Variants in TDRKH observed in about 807,000 individuals in gnomAD.
TDRKH encodes the protein tudor and KH domain containing.
A neutral mutation model predicts 61.3 loss-of-function variants in TDRKH; 28 were observed. The observed-to-expected ratio is 0.46, with a 90% CI of 0.34 to 0.63. The LOEUF is 0.63. Ranked by LOEUF, TDRKH falls within the 20% of genes least tolerant of loss-of-function variation. The pLI, the probability that TDRKH is intolerant of heterozygous loss-of-function variation, is 0.01. For synonymous variants in TDRKH, 219 were observed against 244.4 expected, an observed-to-expected ratio of 0.90 and a Z score of 0.97; for missense variants, 540 against 683.4, an observed-to-expected ratio of 0.79 and a Z score of 2.34.
intron 3 of TDRKH, 47 bp from the exon 4 acceptor site, chr1:151,780,187 T>A: frequency 3.8e-6 from 6 of 1,586,316 alleles, no homozygotes; most frequent in Non-Finnish European, 5.2e-6. Flanking sequence ...AGAGCTCCCA[T>A]TTGAGCCCAG....
rs1648914023 is a variant in TDRKH at position 151,774,040 on chromosome 1, G to A, written c.*412C>T. 3 of 183,776 alleles carry A rather than the reference G, an allele frequency of 1.6e-5. No individual in the cohort carries two copies. The South Asian group carries it at 3.6e-4, about 22-fold the overall frequency. The allele number at this position is 183,776 out of a possible 1,614,324, so 11.4% of individuals were successfully genotyped here. ...AGTATTCAAACACTGGAGGGTTGGG[G>A]AGGGATCCGGAGGTGGAATGGGGGA... On this transcript the variant is annotated 3_prime_UTR_variant, in exon 13 of 13. Transcript: ENST00000368824.
rs374675793 is a variant in TDRKH at position 151,774,497 on chromosome 1, A to T, written c.1641T>A (p.Ala547=). 1.2e-6 allele frequency: 2 copies of T among 1,614,090 alleles called. No individual in the cohort carries two copies. The highest frequency in any genetic ancestry group is 2.2e-5 in the East Asian group (1 of 44,898). Reference sequence around the variant, plus strand: ...CAAGGTTATCATCACCAGACATGGAAGCAGCTTCTATTGAAGATAAATAAG... The same window carrying T: ...CAAGGTTATCATCACCAGACATGGATGCAGCTTCTATTGAAGATAAATAAG... ...TLSCLSLSEA[A]SMSGDDNLED... The change falls in exon 13 of 13, where the codon GCT becomes GCA. Residue 547 remains alanine, a synonymous_variant. Transcript: ENST00000368824.
chr1:151,781,421 C>T (rs1250297719), intron 3 of TDRKH, 60 bp downstream of exon 3: 2 of 1,479,574 alleles, frequency 1.4e-6, no homozygotes, highest in Non-Finnish European at 1.9e-6. Context: ...TGGAAGGAAA[C>T]AAGAAATCAA....
At chr1:151,768,921 G>A (rs1483991992), downstream of TDRKH, among the ~76,000 whole-genome samples, 6 of 151,860 alleles carry the variant, frequency 4.0e-5, no homozygotes, top group South Asian at 8.3e-4. Context: ...ATCTTGCACC[G>A]CCCTTAATCC....
chr1:151,770,555 T>G, downstream of TDRKH: 1 of 339,680 alleles, frequency 2.9e-6, no homozygotes, highest in Non-Finnish European at 5.4e-6. Flanking sequence ...CTCAAACATA[T>G]GGAGCACCTA....
At chr1:151,772,524 T>A (rs1040335183), downstream of TDRKH, among the ~76,000 whole-genome samples, 1 of 152,212 alleles carries the variant, frequency 6.6e-6, no homozygotes, top group Non-Finnish European at 1.5e-5. Flanking sequence ...GGCATCCTTA[T>A]GTGCTAGTTT....
intron 1 of TDRKH, among the ~76,000 whole-genome samples, chr1:151,789,222 C>T (rs1013199492): frequency 2.6e-5 from 4 of 152,174 alleles, no homozygotes; most frequent in African/African-American, 9.7e-5. Context: ...TTCACTAACT[C>T]CTCTTCAAAC....
chr1:151,782,927 G>C lies in TDRKH; in HGVS notation c.96C>G (p.Ile32Met). Residue 32 changes from isoleucine (I) to methionine (M), a missense_variant, in exon 2 of 13, where the codon ATC becomes ATG. Ile to Met is a conservative substitution (Grantham distance 10). Transcript: ENST00000368824. ...TGCTTTCCCTATACCTGCGGTATAGGATATAGGCAACTGTTGCACTGGCTG... is the reference window on the plus strand; with the variant it reads ...TGCTTTCCCTATACCTGCGGTATAGCATATAGGCAACTGTTGCACTGGCTG... ...GIPASATVAY[I>M]LYRRYRESRE... is the part of the protein sequence containing the mutation. The C allele has an allele frequency of 1.2e-6, 2 of 1,613,368 alleles. No homozygotes were observed. The highest frequency in any genetic ancestry group is 1.7e-6 in the Non-Finnish European group (2 of 1,179,720).
chr1:151,771,262 C>T (rs1424629257), downstream of TDRKH: 2 of 1,600,470 alleles, frequency 1.2e-6, no homozygotes, highest in South Asian at 1.1e-5. Flanking sequence ...AGCCTTGACA[C>T]ATGGAATCAG....
At chr1:151,770,374 A>C (rs551937084), downstream of TDRKH, 331 of 1,409,418 alleles carry the variant, frequency 2.3e-4, 2 homozygotes, top group South Asian at 4.2e-3. Context: ...CATTTCAGGG[A>C]TTCTTTTCTT....
downstream of TDRKH, chr1:151,767,468 TAA>T (rs1165968741): frequency 2.5e-5 from 34 of 1,346,594 alleles, no homozygotes; most frequent in Middle Eastern, 2.5e-4. Context: ...CCACAGACTG[TAA>T]AATCAAGGTC....
chr1:151,788,619 T>C (rs760932726), intron 1 of TDRKH, among the ~76,000 whole-genome samples: 2 of 152,220 alleles, frequency 1.3e-5, no homozygotes, highest in African/African-American at 4.8e-5. Flanking sequence ...TTTGGGAAAC[T>C]GCGGCTAAGG....
chr1:151,766,574 C>T (rs752263710), downstream of TDRKH: 30 of 758,798 alleles, frequency 4.0e-5, no homozygotes, highest in Non-Finnish European at 5.9e-5. Context: ...GGTAGATAAG[C>T]AGCAGAGTGG....
At chr1:151,771,128 A>C (rs541587128), downstream of TDRKH, 1 of 1,612,762 alleles carries the variant, frequency 6.2e-7, no homozygotes, top group Non-Finnish European at 8.5e-7. Context: ...GTCAGACCAG[A>C]TCACCCTGCC....
intron 1 of TDRKH, among the ~76,000 whole-genome samples, chr1:151,788,676 T>G (rs1221732100): frequency 1.3e-5 from 2 of 152,214 alleles, no homozygotes; most frequent in Non-Finnish European, 2.9e-5. Flanking sequence ...TAGTCATTTC[T>G]ACACAATACA....
chr1:151,790,139 C>A (rs1359314667), intron 1 of TDRKH, among the ~76,000 whole-genome samples: 5 of 152,128 alleles, frequency 3.3e-5, no homozygotes, highest in African/African-American at 9.7e-5. Context: ...CGCTCCCGCA[C>A]CGGGTCCGTT....
intron 11 of TDRKH, 53 bp downstream of exon 11, chr1:151,775,012 C>T (rs1649015465): frequency 6.4e-7 from 1 of 1,567,468 alleles, no homozygotes; most frequent in Non-Finnish European, 8.8e-7. Context: ...CCCTTAGTGT[C>T]TATGTGCTAG....
At chr1:151,767,976 C>A, downstream of TDRKH, 1 of 1,549,800 alleles carries the variant, frequency 6.5e-7, no homozygotes, top group East Asian at 2.3e-5. Context: ...CCCATCAATG[C>A]CCACCTTGCT....
downstream of TDRKH, chr1:151,771,427 G>C: frequency 8.2e-7 from 1 of 1,220,590 alleles, no homozygotes; most frequent in African/African-American, 1.6e-5. Context: ...AGATCACAGG[G>C]ACCTGAACTA....
Sources: gnomAD v4.1 joint callset for allele counts (sites outside exome capture counted in the v4.1 genomes callset) on GRCh38, gnomAD v4.1.1 for gene constraint, MANE v1.5 for transcripts, NCBI Gene and HGNC (gene_info 2026-07-23, HGNC 2026-07-21) for gene names.